The following NTN1 variants were observed in gnomAD, a reference collection of about 807,000 sequenced individuals.
NTN1 encodes netrin-1.
In NTN1, 11 loss-of-function variants were observed where a neutral mutation model predicts 54.2. That is an observed-to-expected ratio of 0.20 (90% CI 0.13 to 0.34). The LOEUF (loss-of-function observed/expected upper bound fraction) is 0.34. Ranked by LOEUF, NTN1 falls within the 10% of genes least tolerant of loss-of-function variation. The pLI is 1.00. For synonymous variants in NTN1, 371 were observed against 382.0 expected (o/e 0.97, Z 0.33); for missense variants, 740 against 893.1 (o/e 0.83, Z 2.18).
At chr17:9,004,508 GC>G in the NTN1 span, among the ~76,000 whole-genome samples, 1 of 152,228 alleles carries the variant, frequency 6.6e-6, no homozygotes, top group Non-Finnish European at 1.5e-5. Flanking sequence ...CCGGTGACGC[GC>G]TAAGTGTTGG....
At chr17:9,092,142 G>A (rs984385487) in intron 2 of NTN1, among the ~76,000 whole-genome samples, 12 of 151,734 alleles carry the variant, frequency 7.9e-5, no homozygotes, top group African/African-American at 2.4e-4. Context: ...CTCCTGCCTC[G>A]GCCTCCCAAA....
rs545473600 is a variant in NTN1, at chr17:9,093,100, C to A, written c.1018+69709C>A. On this transcript the variant is annotated intron_variant, in intron 2 of 6. Transcript: ENST00000173229. ...TAGAGATGGGGTTTTGCCATGTTGG[C>A]CAGGCCGGTCTTGAACTCCTGGCCT... 4.6e-5 allele frequency among the ~76,000 whole-genome samples: 7 copies of A among 152,218 alleles called. No homozygotes were observed. The South Asian group carries it at 1.2e-3, about 27-fold the overall frequency.
At chr17:9,238,392 G>C (rs904756370) in intron 6 of NTN1, among the ~76,000 whole-genome samples, 5 of 152,222 alleles carry the variant, frequency 3.3e-5, no homozygotes, top group African/African-American at 1.2e-4. Flanking sequence ...TACAGTGTGT[G>C]AGGGTGGGAT....
intron 6 of NTN1, among the ~76,000 whole-genome samples, chr17:9,227,657 T>TCAAACACACCGTCACAC (rs137860749): frequency 6.8e-6 from 1 of 147,492 alleles, no homozygotes; most frequent in Non-Finnish European, 1.5e-5. Flanking sequence ...CACCATCACA[T>TCAAACACACCGTCACAC]ACCACACACA....
chr17:9,118,690 G>T (rs538158857), intron 2 of NTN1, among the ~76,000 whole-genome samples: 3 of 151,354 alleles, frequency 2.0e-5, no homozygotes, highest in Non-Finnish European at 4.4e-5. Context: ...CTCTACTTTC[G>T]GTCTGCCTGG....
At chr17:9,093,847 G>A (rs910489911) in intron 2 of NTN1, among the ~76,000 whole-genome samples, 1 of 152,062 alleles carries the variant, frequency 6.6e-6, no homozygotes, top group South Asian at 2.1e-4. Context: ...GGTGGCGGGC[G>A]CCTGTAGTCC....
At chr17:9,007,302 T>C in the NTN1 span, among the ~76,000 whole-genome samples, 6 of 149,306 alleles carry the variant, frequency 4.0e-5, no homozygotes, top group Non-Finnish European at 8.9e-5. Context: ...CTTCTTTCTT[T>C]CTTTCCCTTC....
At chr17:9,238,214 G>C (rs964726404) in intron 6 of NTN1, among the ~76,000 whole-genome samples, 3 of 152,154 alleles carry the variant, frequency 2.0e-5, no homozygotes, top group Non-Finnish European at 4.4e-5. Flanking sequence ...TGGTAAGTGG[G>C]GAAGTGATGA....
intron 2 of NTN1, among the ~76,000 whole-genome samples, chr17:9,114,669 G>A (rs1335707708): frequency 2.6e-5 from 4 of 152,150 alleles, no homozygotes; most frequent in Admixed American, 6.5e-5. Context: ...ACGGAGAATC[G>A]CTTGAACCCG....
At position 9,239,980 on chromosome 17, in the gene NTN1, CGGGCGGGCGGGCGGGCGGGCGCCA is replaced by C; in HGVS notation, c.*20_*43del. 1 of 10,002 alleles carries C rather than the reference CGGGCGGGCGGGCGGGCGGGCGCCA, an allele frequency of 1.0e-4. No individual in the cohort carries two copies. The highest frequency in any genetic ancestry group is 1.9e-4 in the Non-Finnish European group (1 of 5,214). The allele number at this position is 10,002 out of a possible 1,614,324, so 0.6% of individuals were successfully genotyped here. On this transcript the variant is annotated 3_prime_UTR_variant, in exon 7 of 7. Coordinates refer to ENST00000173229, the MANE Select transcript of NTN1 (RefSeq NM_004822.3). This position sits in a 1 kb window ranked among gnomAD's most constrained non-coding sequence, Gnocchi z 5.2. ...GCAAGAAGGCCTAGCGCCGAGGCAG[CGGGCGGGCGGGCGGGCGGGCGCCA>C]GGGCGGGGCCGAGCGAGAGCGGGCG...
chr17:9,102,715 C>T (rs1567711009), intron 2 of NTN1, among the ~76,000 whole-genome samples: 1 of 152,218 alleles, frequency 6.6e-6, no homozygotes, highest in Non-Finnish European at 1.5e-5. Context: ...AAACTGGACA[C>T]TGTCCATGAA....
intron 2 of NTN1, among the ~76,000 whole-genome samples, chr17:9,025,563 C>T (rs927309622): frequency 1.3e-5 from 2 of 152,198 alleles, no homozygotes; most frequent in Non-Finnish European, 2.9e-5. Flanking sequence ...ATTCAGTCAT[C>T]TCATAAAAGC....
chr17:9,179,455 C>T (rs1055232365), intron 3 of NTN1, among the ~76,000 whole-genome samples: 13 of 152,246 alleles, frequency 8.5e-5, no homozygotes, highest in African/African-American at 2.9e-4. Flanking sequence ...GTGTATCCCC[C>T]GATCCTGACT....
At chr17:9,202,361 CTCTAGGT>C (rs1433657138) in intron 5 of NTN1, among the ~76,000 whole-genome samples, 1 of 152,186 alleles carries the variant, frequency 6.6e-6, no homozygotes, top group Non-Finnish European at 1.5e-5. Context: ...GCCCTTCAGC[CTCTAGGT>C]TCCACACCCT....
chr17:9,168,268 C>T (rs902985596), intron 3 of NTN1, among the ~76,000 whole-genome samples: 18 of 152,244 alleles, frequency 1.2e-4, no homozygotes, highest in Non-Finnish European at 1.8e-4. Context: ...CACGGTGGCT[C>T]ATGCCTGTAA....
intron 2 of NTN1, among the ~76,000 whole-genome samples, chr17:9,155,596 C>T (rs2092339520): frequency 6.6e-6 from 1 of 152,034 alleles, no homozygotes; most frequent in Non-Finnish European, 1.5e-5. Context: ...CCGTCTCGGC[C>T]TCCCAAAGTG....
chr17:9,004,783 C>G, the NTN1 span, among the ~76,000 whole-genome samples: 1 of 152,238 alleles, frequency 6.6e-6, no homozygotes, highest in East Asian at 1.9e-4. Flanking sequence ...TGGGCCCTTT[C>G]ACCCAGTGGA....
chr17:9,215,446 A>G (rs555585437), intron 5 of NTN1, among the ~76,000 whole-genome samples: 1 of 152,342 alleles, frequency 6.6e-6, no homozygotes, highest in Non-Finnish European at 1.5e-5. Context: ...AGAGATATCA[A>G]TCACATCACC....
Position 9,211,354 on chromosome 17 carries a change from C to T in NTN1, c.1412-9814C>T, listed in dbSNP as rs1291400576. ...GGTCTAAGTAGGTCTCCACCTGTGC[C>T]CCCTGCCCCCACGCATTCCCTCCCA... is the stretch of plus-strand genomic sequence containing the variant. On this transcript the variant is annotated intron_variant, in intron 5 of 6. Coordinates refer to ENST00000173229, the MANE Select transcript of NTN1 (RefSeq NM_004822.3). This position sits in a 1 kb window ranked among gnomAD's most constrained non-coding sequence, Gnocchi z 4.4. Among the ~76,000 whole-genome samples the T allele has an allele frequency of 6.6e-6, 1 of 152,132 alleles. No homozygotes were observed. Among genetic ancestry groups the T allele is most frequent in the Non-Finnish European group, 1.5e-5 (1 of 68,030 alleles).
Sources: allele counts gnomAD v4.1 joint callset (sites outside exome capture counted in the v4.1 genomes callset), GRCh38; gene constraint gnomAD v4.1.1; non-coding constraint Gnocchi (gnomAD v3.1); transcripts MANE v1.5; gene names NCBI Gene and HGNC (gene_info 2026-07-23, HGNC 2026-07-21).